MGMT: variants seen among roughly 807,000 people sequenced by gnomAD.
The protein encoded by MGMT is O-6-methylguanine-DNA methyltransferase.
A neutral mutation model predicts 15.9 loss-of-function variants in MGMT; 14 were observed. That is an observed-to-expected ratio of 0.88 (90% CI 0.58 to 1.37). The LOEUF is 1.37. Among genes scored for constraint, MGMT ranks in the 40% most tolerant of loss-of-function variants. MGMT has a pLI of 0.00. For synonymous variants in MGMT, 130 were observed against 118.2 expected (o/e 1.10, Z -0.65); for missense variants, 282 against 268.1 (o/e 1.05, Z -0.36).
chr10:129,477,912 G>A (rs146267740), intron 1 of MGMT, among the ~76,000 whole-genome samples: 57 of 152,334 alleles, frequency 3.7e-4, no homozygotes, highest in African/African-American at 1.4e-3. Flanking sequence ...AAAAGGCACT[G>A]TTCTCAGGTT....
chr10:129,576,221 A>C (rs2133042932), intron 2 of MGMT, among the ~76,000 whole-genome samples: 1 of 152,338 alleles, frequency 6.6e-6, no homozygotes, highest in Admixed American at 6.5e-5. Context: ...AGCCTGGTAG[A>C]GACACAACCA....
At chr10:129,624,701 G>A (rs1328637054) in intron 2 of MGMT, among the ~76,000 whole-genome samples, 6 of 152,174 alleles carry the variant, frequency 3.9e-5, no homozygotes, top group South Asian at 2.1e-4. Flanking sequence ...CATGCCCAGT[G>A]CGGCGGCGAG....
intron 2 of MGMT, among the ~76,000 whole-genome samples, chr10:129,655,927 T>A (rs1201650672): frequency 3.9e-5 from 6 of 152,160 alleles, no homozygotes; most frequent in Admixed American, 2.6e-4. Flanking sequence ...TCCACGTGTT[T>A]AAATAAACTG....
intron 2 of MGMT, among the ~76,000 whole-genome samples, chr10:129,681,545 G>A (rs766281522): frequency 1.3e-5 from 2 of 152,284 alleles, no homozygotes; most frequent in Admixed American, 6.5e-5. Context: ...AAAAGGTCTT[G>A]TAAAAAGAGA....
chr10:129,513,733 A>G (rs1845708960), intron 1 of MGMT, among the ~76,000 whole-genome samples: 2 of 152,220 alleles, frequency 1.3e-5, no homozygotes, highest in Admixed American at 6.5e-5. Context: ...GAAGGCCATG[A>G]TGCAGTGAGT....
intron 2 of MGMT, among the ~76,000 whole-genome samples, chr10:129,628,923 C>T (rs1212616829): frequency 1.3e-5 from 2 of 152,178 alleles, no homozygotes; most frequent in Non-Finnish European, 2.9e-5. Context: ...GCAGCAGCAA[C>T]AGCCATTGAA....
At chr10:129,753,493 T>C (rs1293416204) in intron 3 of MGMT, among the ~76,000 whole-genome samples, 1 of 152,212 alleles carries the variant, frequency 6.6e-6, no homozygotes, top group African/African-American at 2.4e-5. Context: ...TGTTCTCTTT[T>C]TGTCTATTTT....
chr10:129,574,180 G>A (rs1235892742), intron 2 of MGMT, among the ~76,000 whole-genome samples: 1 of 152,180 alleles, frequency 6.6e-6, no homozygotes, highest in Non-Finnish European at 1.5e-5. Context: ...AATAGTTTGA[G>A]CCTCACCTAC....
chr10:129,755,559 C>T (rs1848796303), intron 3 of MGMT, among the ~76,000 whole-genome samples: 1 of 152,238 alleles, frequency 6.6e-6, no homozygotes, highest in African/African-American at 2.4e-5. Flanking sequence ...CCCCTTCCCC[C>T]CAGGAAGCCA....
At position 129,511,222 on chromosome 10, in the gene MGMT, C is replaced by T. The variant is rs570678190; in HGVS notation, c.-12-25019C>T. On this transcript the variant is annotated intron_variant, in intron 1 of 4. Coordinates refer to ENST00000651593, the MANE Select transcript of MGMT (RefSeq NM_002412.5). ...GAACCCTGTATATCAGATGCAGCCA[C>T]GTGCTTCCTGTGATGGGAACCCCGT... is the stretch of plus-strand genomic sequence containing the variant. Among the ~76,000 whole-genome samples the T allele has an allele frequency of 2.5e-4, 37 of 148,338 alleles. No individual in the cohort carries two copies. In the East Asian group the frequency reaches 2.8e-3, roughly 11 times the overall value.
At chr10:129,551,779 CCGGTGGAACATGCCTTAGAGA>C (rs540579131) in intron 2 of MGMT, among the ~76,000 whole-genome samples, 6 of 152,308 alleles carry the variant, frequency 3.9e-5, no homozygotes, top group Non-Finnish European at 8.8e-5. Flanking sequence ...CTTCAGCAGA[CCGGTGGAACATGCCTTAGAGA>C]AAGCCAGAGG....
intron 2 of MGMT, among the ~76,000 whole-genome samples, chr10:129,582,900 C>T (rs1315010062): frequency 3.9e-5 from 6 of 151,990 alleles, no homozygotes; most frequent in African/African-American, 9.7e-5. Context: ...TATTTATGAC[C>T]GAAAACAGTG....
At chr10:129,636,578 G>T (rs1487714106) in intron 2 of MGMT, among the ~76,000 whole-genome samples, 1 of 152,158 alleles carries the variant, frequency 6.6e-6, no homozygotes, top group Non-Finnish European at 1.5e-5. Flanking sequence ...AATAGAAGTC[G>T]TGATAATGGG....
Position 129,629,624 on chromosome 10 carries a change from T to C in MGMT, c.126-78271T>C, listed in dbSNP as rs1216254129. On this transcript the variant is annotated intron_variant, in intron 2 of 4. Coordinates refer to ENST00000651593, the MANE Select transcript of MGMT (RefSeq NM_002412.5). The stretch of plus-strand genomic sequence containing the variant: ...TCGCGTTGATCATCTTTAGGATCTT[T>C]AGGATCACTGAGAATTAATCATTCT... 2.0e-5 allele frequency among the ~76,000 whole-genome samples: 3 copies of C among 152,340 alleles called. No individual in the cohort carries two copies. In the East Asian group the frequency reaches 5.8e-4, roughly 29 times the overall value.
At chr10:129,487,135 A>G (rs1015760199) in intron 1 of MGMT, among the ~76,000 whole-genome samples, 4 of 151,930 alleles carry the variant, frequency 2.6e-5, no homozygotes, top group African/African-American at 9.7e-5. Flanking sequence ...AGCCATGCCC[A>G]CTCTTGACAA....
At chr10:129,656,041 G>A (rs534153486) in intron 2 of MGMT, among the ~76,000 whole-genome samples, 4 of 152,266 alleles carry the variant, frequency 2.6e-5, no homozygotes, top group Admixed American at 2.0e-4. Context: ...GCTCTTCACC[G>A]GACAACCCCT....
intron 2 of MGMT, among the ~76,000 whole-genome samples, chr10:129,608,141 A>G (rs1846914451): frequency 6.6e-6 from 1 of 152,134 alleles, no homozygotes; most frequent in South Asian, 2.1e-4. Flanking sequence ...TTTATAATAG[A>G]AAAAAAACGG....
intron 2 of MGMT, among the ~76,000 whole-genome samples, chr10:129,648,037 A>C (rs1212860363): frequency 1.3e-5 from 2 of 152,194 alleles, no homozygotes; most frequent in African/African-American, 4.8e-5. Context: ...TTATATGTAA[A>C]CTGGAGTCAG....
At chr10:129,660,348 C>T (rs1049948131) in intron 2 of MGMT, among the ~76,000 whole-genome samples, 22 of 152,056 alleles carry the variant, frequency 1.4e-4, no homozygotes, top group African/African-American at 4.8e-4. Context: ...AGTTGGAAGG[C>T]GTCCTGCAGC....
Sources: allele counts gnomAD v4.1 joint callset (sites outside exome capture counted in the v4.1 genomes callset), GRCh38; gene constraint gnomAD v4.1.1; transcripts MANE v1.5; gene names NCBI Gene and HGNC (gene_info 2026-07-23, HGNC 2026-07-21).